Variants in MOGAT2 observed in about 807,000 individuals in gnomAD.
The protein encoded by MOGAT2 is 2-acylglycerol O-acyltransferase 2.
In MOGAT2, 27 loss-of-function variants were observed where a neutral mutation model predicts 31.5. The ratio of observed to expected loss-of-function variants is 0.86; its 90% CI spans 0.63 to 1.18. The LOEUF is 1.18. Ranked by LOEUF, MOGAT2 falls within the 50% of genes most tolerant of loss-of-function variation. The pLI is 0.00. For synonymous variants in MOGAT2, 163 were observed against 170.0 expected (o/e 0.96, Z 0.32); for missense variants, 436 against 433.2 (o/e 1.01, Z -0.06).
chr11:75,726,049 T>G (rs1030763200), intron 2 of MOGAT2, among the ~76,000 whole-genome samples: 2 of 152,166 alleles, frequency 1.3e-5, no homozygotes, highest in Admixed American at 6.5e-5. Context: ...GGAGCAGCAT[T>G]TGTTAACTGC....
Position 75,728,137 on chromosome 11 carries a change from A to G in MOGAT2, c.643A>G (p.Thr215Ala), listed in dbSNP as rs1944439802. The G allele has an allele frequency of 1.9e-6, 3 of 1,612,928 alleles. No homozygotes were observed. Among genetic ancestry groups the G allele is most frequent in the Admixed American group, 1.7e-5 (1 of 59,816 alleles). Reference protein sequence around the residue: ...NRKGFVRLALTHGAPLVPIFS... With the variant: ...NRKGFVRLALAHGAPLVPIFS... ...AAAGGGCTTCGTCAGGCTCGCCCTG[A>G]CACACGGGTATCAAGCCTCTGGGAA... The change falls in exon 4 of 6, where the codon ACA becomes GCA. Residue 215 changes from threonine to alanine, a missense_variant. Coordinates refer to ENST00000198801, the MANE Select transcript of MOGAT2 (RefSeq NM_025098.4).
chr11:75,720,061 C>T lies in MOGAT2; in HGVS notation c.161C>T (p.Ala54Val), dbSNP rs781112029. 1.3e-5 allele frequency: 21 copies of T among 1,614,078 alleles called. No individual in the cohort carries two copies. The highest frequency in any genetic ancestry group is 1.6e-4 in the Middle Eastern group (1 of 6,084). Residue 54 changes from alanine (A) to valine (V), a missense_variant, in exon 2 of 6, where the codon GCG (alanine) becomes GTG (valine). Transcript: ENST00000198801. The part of the protein sequence containing the change: ...TRFWLLTVLY[A>V]AWWYLDRDKP... Reference sequence around the variant, plus strand: ...TTCTGGCTCCTCACTGTCCTGTATGCGGCCTGGTGGTATCTGGACCGAGAC... The same window carrying T: ...TTCTGGCTCCTCACTGTCCTGTATGTGGCCTGGTGGTATCTGGACCGAGAC...
chr11:75,728,226 G>A (rs753975430), intron 4 of MOGAT2, 82 bp downstream of exon 4: 23 of 1,395,330 alleles, frequency 1.6e-5, no homozygotes, highest in African/African-American at 1.4e-4. Context: ...TGGCAGAGAC[G>A]AATGCAGATT....
intron 1 of MOGAT2, 95 bp from the exon 2 acceptor site, chr11:75,719,897 C>T (rs1420505126): frequency 8.0e-7 from 1 of 1,252,456 alleles, no homozygotes; most frequent in Admixed American, 1.8e-5. Context: ...GACAGTGCTG[C>T]TAGTGCCAGG....
Position 75,728,950 on chromosome 11 carries a change from T to A in MOGAT2, c.811T>A (p.Phe271Ile), listed in dbSNP as rs1459187532. 1.2e-5 allele frequency: 20 copies of A among 1,614,126 alleles called. No homozygotes were observed. Among genetic ancestry groups the A allele is most frequent in the Non-Finnish European group, 1.7e-5 (20 of 1,180,046 alleles). Residue 271 changes from phenylalanine (F) to isoleucine (I), a missense_variant, in exon 5 of 6, where the codon TTT (phenylalanine) becomes ATT (isoleucine). Transcript: ENST00000198801. ...TGGCCGTGGTGTCTTCCAGTACAGC[T>A]TTGGTTTAATACCCTACCGCCGGCC... Reference protein sequence around the residue: ...FHGRGVFQYSFGLIPYRRPIT... With the variant: ...FHGRGVFQYSIGLIPYRRPIT...
intron 2 of MOGAT2, 91 bp downstream of exon 2, chr11:75,720,261 C>G: frequency 1.4e-6 from 2 of 1,395,266 alleles, no homozygotes; most frequent in Non-Finnish European, 2.0e-6. Flanking sequence ...AGAATATGGC[C>G]CTGCATGCAC....
chr11:75,729,917 G>A (rs1045461686), intron 5 of MOGAT2, among the ~76,000 whole-genome samples: 3 of 151,652 alleles, frequency 2.0e-5, no homozygotes, highest in Non-Finnish European at 4.4e-5. Context: ...GGTAATTTTT[G>A]TATTTTTAGT....
intron 4 of MOGAT2, 71 bp downstream of exon 4, chr11:75,728,215 A>G: frequency 1.4e-6 from 2 of 1,471,974 alleles, no homozygotes; most frequent in Non-Finnish European, 1.9e-6. Flanking sequence ...TGGTGGGAAG[A>G]TGGCAGAGAC....
intron 2 of MOGAT2, among the ~76,000 whole-genome samples, chr11:75,721,609 G>A (rs61329757): frequency 0.21 from 32,648 of 152,080 alleles, 4,339 homozygotes; most frequent in Non-Finnish European, 0.31. Context: ...TCAGTAAACA[G>A]GTAGCTAGTA....
chr11:75,718,118 C>G (rs888023115), intron 1 of MOGAT2, 139 bp downstream of exon 1: 1 of 878,992 alleles, frequency 1.1e-6, no homozygotes, highest in African/African-American at 1.7e-5. Flanking sequence ...AGCCCCTGCC[C>G]AGAGAGAACT....
At chr11:75,718,045 G>A in intron 1 of MOGAT2, 66 bp downstream of exon 1, 1 of 1,433,958 alleles carries the variant, frequency 7.0e-7, no homozygotes, top group South Asian at 1.2e-5. Context: ...AGCCACACCA[G>A]GTGCACACAG....
intron 2 of MOGAT2, among the ~76,000 whole-genome samples, chr11:75,721,896 A>T (rs1469663044): frequency 6.6e-6 from 1 of 152,196 alleles, no homozygotes; most frequent in Non-Finnish European, 1.5e-5. Flanking sequence ...CCCTTCTGAG[A>T]GTCCAGGGGC....
rs534050764 is a variant in MOGAT2 at position 75,722,357 on chromosome 11, C to A, written c.270+2187C>A. ...CCCTGGGAAAGTGTGCTGTGGCCAG[C>A]CTGGGGACGTGTGTGTGACATCAGG... On this transcript the variant is annotated intron_variant, in intron 2 of 5. Coordinates refer to ENST00000198801, the MANE Select transcript of MOGAT2 (RefSeq NM_025098.4). Among the ~76,000 whole-genome samples, 13 of 152,322 alleles carry A rather than the reference C, an allele frequency of 8.5e-5. No homozygotes were observed. In the East Asian group the frequency reaches 2.5e-3, roughly 29 times the overall value.
intron 2 of MOGAT2, among the ~76,000 whole-genome samples, chr11:75,724,773 T>C (rs1233985487): frequency 6.6e-6 from 1 of 152,240 alleles, no homozygotes; most frequent in Non-Finnish European, 1.5e-5. Context: ...CTACCAGTGT[T>C]TGGTGTATCC....
chr11:75,725,340 T>G (rs1944412276), intron 2 of MOGAT2, among the ~76,000 whole-genome samples: 1 of 151,974 alleles, frequency 6.6e-6, no homozygotes, highest in East Asian at 1.9e-4. Context: ...AGGCCAGGAG[T>G]TTGAGACCAG....
chr11:75,726,507 A>G (rs1483488375), intron 2 of MOGAT2, among the ~76,000 whole-genome samples: 1 of 152,216 alleles, frequency 6.6e-6, no homozygotes, highest in African/African-American at 2.4e-5. Context: ...TCCCATATAC[A>G]GTAACCCATC....
chr11:75,721,944 T>C (rs1337798656), intron 2 of MOGAT2, among the ~76,000 whole-genome samples: 1 of 152,198 alleles, frequency 6.6e-6, no homozygotes, highest in East Asian at 1.9e-4. Flanking sequence ...ACAGCTGGAA[T>C]GCAGGAGCCT....
rs181094090 is a variant in MOGAT2, at chr11:75,725,465, T to G, written c.271-1970T>G. ...TGGGAGGCTGAGGCATAAAAATTGT[T>G]TGAACCTGGGAGGTGGAGGTTGCAG... On this transcript the variant is annotated intron_variant, in intron 2 of 5. Transcript: ENST00000198801. Among the ~76,000 whole-genome samples the G allele has an allele frequency of 1.7e-4, 26 of 152,188 alleles. No homozygotes were observed. The East Asian group carries it at 4.8e-3, about 28-fold the overall frequency.
At chr11:75,720,370 C>T (rs1944367565) in intron 2 of MOGAT2, among the ~76,000 whole-genome samples, 200 bp downstream of exon 2, 1 of 152,154 alleles carries the variant, frequency 6.6e-6, no homozygotes, top group Non-Finnish European at 1.5e-5. Flanking sequence ...TTCGCATCTG[C>T]AGGGATGCGG....
Sources: gnomAD v4.1 joint callset for allele counts (sites outside exome capture counted in the v4.1 genomes callset) on GRCh38, gnomAD v4.1.1 for gene constraint, MANE v1.5 for transcripts, NCBI Gene and HGNC (gene_info 2026-07-23, HGNC 2026-07-21) for gene names.